Variants in PHACTR3 observed in about 807,000 individuals in gnomAD.
PHACTR3 encodes the protein phosphatase and actin regulator 3.
PHACTR3 carries 16 observed loss-of-function variants against 66.8 expected under a neutral mutation model. That is an observed-to-expected ratio of 0.24 (90% CI 0.16 to 0.36). PHACTR3 has a LOEUF of 0.36. Ranked by LOEUF, PHACTR3 falls within the 10% of genes least tolerant of loss-of-function variation. The pLI is 1.00. For synonymous variants in PHACTR3, 323 were observed against 292.1 expected (o/e 1.11, Z -1.08); for missense variants, 647 against 719.9 (o/e 0.90, Z 1.16).
At chr20:59,739,611 G>GGTTT (rs2039079979) in intron 1 of PHACTR3, among the ~76,000 whole-genome samples, 5 of 152,118 alleles carry the variant, frequency 3.3e-5, no homozygotes, top group Admixed American at 3.3e-4. Context: ...TCAATATCAT[G>GGTTT]CGGACAGCAT....
chr20:59,694,700 T>G (rs1167617246), intron 1 of PHACTR3, among the ~76,000 whole-genome samples: 2 of 152,140 alleles, frequency 1.3e-5, no homozygotes, highest in African/African-American at 2.4e-5. Context: ...TGGCTTATAA[T>G]GAAATAATAC....
chr20:59,819,548 A>G (rs1268714012), intron 8 of PHACTR3, among the ~76,000 whole-genome samples: 1 of 151,920 alleles, frequency 6.6e-6, no homozygotes, highest in East Asian at 1.9e-4. Flanking sequence ...AAAAAAAAAA[A>G]AAAAAGAAAA....
At chr20:59,682,609 C>T (rs2036704895) in intron 1 of PHACTR3, among the ~76,000 whole-genome samples, 1 of 152,140 alleles carries the variant, frequency 6.6e-6, no homozygotes, top group South Asian at 2.1e-4. Context: ...ATGTGGTAGG[C>T]TGTAGACATT....
chr20:59,635,829 C>A (rs917099723), intron 1 of PHACTR3, among the ~76,000 whole-genome samples: 5 of 152,204 alleles, frequency 3.3e-5, no homozygotes, highest in African/African-American at 4.8e-5. Context: ...TTAATGGCTG[C>A]AGGGTGCTCG....
chr20:59,618,670 G>C (rs988622797), intron 1 of PHACTR3, among the ~76,000 whole-genome samples: 14 of 152,226 alleles, frequency 9.2e-5, no homozygotes, highest in Non-Finnish European at 1.9e-4. Flanking sequence ...GCAGCCAAAG[G>C]CTCCTCCCAG....
chr20:59,823,426 A>G (rs1460859605), intron 8 of PHACTR3, among the ~76,000 whole-genome samples: 3 of 152,230 alleles, frequency 2.0e-5, no homozygotes, highest in African/African-American at 7.2e-5. Context: ...GCTCAGCCCC[A>G]GGTGACTACT....
intron 7 of PHACTR3, among the ~76,000 whole-genome samples, chr20:59,796,826 A>G (rs2041263431): frequency 1.3e-5 from 2 of 152,158 alleles, no homozygotes; most frequent in African/African-American, 2.4e-5. Context: ...TGTATCTGAG[A>G]GAGGACTTCT....
chr20:59,606,933 A>T (rs2033690988), intron 1 of PHACTR3, among the ~76,000 whole-genome samples: 2 of 152,218 alleles, frequency 1.3e-5, no homozygotes, highest in Non-Finnish European at 1.5e-5. Context: ...TGAGCAGTAG[A>T]ACCTTACTAA....
intron 4 of PHACTR3, among the ~76,000 whole-genome samples, chr20:59,764,306 AC>A (rs1001129602): frequency 2.7e-5 from 4 of 150,390 alleles, no homozygotes; most frequent in African/African-American, 9.9e-5. Flanking sequence ...GAGGACACTG[AC>A]CCCAGGCTGC....
intron 1 of PHACTR3, among the ~76,000 whole-genome samples, chr20:59,631,182 GC>G (rs2034647801): frequency 6.6e-6 from 1 of 152,242 alleles, no homozygotes; most frequent in African/African-American, 2.4e-5. Flanking sequence ...CATCTTAGGG[GC>G]CCTTGGTTGC....
intron 1 of PHACTR3, among the ~76,000 whole-genome samples, chr20:59,657,231 G>A (rs2035647622): frequency 6.6e-6 from 1 of 150,760 alleles, no homozygotes; most frequent in African/African-American, 2.4e-5. Flanking sequence ...ATTTCTGTAT[G>A]TTATAGGCAC....
intron 1 of PHACTR3, among the ~76,000 whole-genome samples, chr20:59,621,337 C>G (rs538132052): frequency 1.3e-5 from 2 of 152,358 alleles, no homozygotes; most frequent in South Asian, 4.1e-4. Context: ...GCCCAGACTC[C>G]TGCTCTTGCC....
chr20:59,843,944 C>G (rs900291662), intron 11 of PHACTR3: 2 of 151,876 alleles, frequency 1.3e-5, no homozygotes, highest in African/African-American at 4.8e-5. Context: ...GGACTAATAT[C>G]CAGAATATAC....
At chr20:59,707,275 A>C (rs1202599440) in intron 1 of PHACTR3, among the ~76,000 whole-genome samples, 1 of 152,144 alleles carries the variant, frequency 6.6e-6, no homozygotes, top group Non-Finnish European at 1.5e-5. Context: ...ATAGCTTAGC[A>C]ATCCTTACTT....
In PHACTR3 at chr20:59,604,862, G is replaced by A; in HGVS notation, c.-153G>A. 1 of 1,194,554 alleles carries A rather than the reference G, an allele frequency of 8.4e-7. No individual in the cohort carries two copies. Among genetic ancestry groups the A allele is most frequent in the South Asian group, 4.4e-5 (1 of 22,716 alleles). The allele number at this position is 1,194,554 out of a possible 1,614,324, so 74.0% of individuals were successfully genotyped here. On this transcript the variant is annotated 5_prime_UTR_variant, in exon 1 of 13. Coordinates refer to ENST00000371015, the MANE Select transcript of PHACTR3 (RefSeq NM_080672.5). ...CAGCCCCGGCGTCTTTCTCCAGCTC[G>A]TTTCCTTTCCCGGCCTTTTTTTTTT...
At chr20:59,734,493 A>G (rs953272731) in intron 1 of PHACTR3, among the ~76,000 whole-genome samples, 1 of 152,150 alleles carries the variant, frequency 6.6e-6, no homozygotes. Context: ...CATGCCCTCA[A>G]GCAGCCCTCC....
intron 1 of PHACTR3, among the ~76,000 whole-genome samples, chr20:59,717,279 G>C (rs1200698317): frequency 6.6e-6 from 1 of 152,134 alleles, no homozygotes; most frequent in African/African-American, 2.4e-5. Context: ...TTAAATTGAA[G>C]TTTTTATTGA....
At chr20:59,748,429 A>G (rs950113778) in intron 3 of PHACTR3, among the ~76,000 whole-genome samples, 1 of 152,128 alleles carries the variant, frequency 6.6e-6, no homozygotes, top group South Asian at 2.1e-4. Flanking sequence ...AGAGACACAG[A>G]ACAAATCCTG....
At chr20:59,635,394 C>A (rs1288607996) in intron 1 of PHACTR3, among the ~76,000 whole-genome samples, 1 of 151,138 alleles carries the variant, frequency 6.6e-6, no homozygotes, top group Admixed American at 6.6e-5. Flanking sequence ...CCACCACACT[C>A]GGCTAATTTT....
Sources: allele counts gnomAD v4.1 joint callset (sites outside exome capture counted in the v4.1 genomes callset), GRCh38; gene constraint gnomAD v4.1.1; transcripts MANE v1.5; gene names NCBI Gene and HGNC (gene_info 2026-07-23, HGNC 2026-07-21).